CDK14: variants seen among roughly 807,000 people sequenced by gnomAD.
CDK14 encodes cyclin-dependent kinase 14.
In CDK14, 34 loss-of-function variants were observed where a neutral mutation model predicts 60.7. The observed-to-expected ratio is 0.56, with a 90% CI of 0.43 to 0.75. The LOEUF (loss-of-function observed/expected upper bound fraction) is 0.75. CDK14 is among the 30% of genes least tolerant of loss of function. The pLI, the probability that CDK14 is intolerant of heterozygous loss-of-function variation, is 0.00. For synonymous variants in CDK14, 197 were observed against 203.7 expected (o/e 0.97, Z 0.28); for missense variants, 482 against 564.1 (o/e 0.85, Z 1.47).
intron 9 of CDK14, among the ~76,000 whole-genome samples, chr7:90,956,969 A>T (rs1455658586): frequency 6.6e-6 from 1 of 151,392 alleles, no homozygotes. Context: ...GCTGCATAGT[A>T]TTCCATGGTG....
intron 12 of CDK14, among the ~76,000 whole-genome samples, chr7:91,087,914 A>T (rs1242820284): frequency 6.6e-6 from 1 of 152,304 alleles, no homozygotes; most frequent in East Asian, 1.9e-4. Context: ...TACATAATTA[A>T]TGCAATACTG....
Position 90,899,287 on chromosome 7 carries a change from C to G in CDK14, c.640-4C>G. 6.3e-7 allele frequency: 1 copy of G among 1,598,820 alleles called. No homozygotes were observed. The highest frequency in any genetic ancestry group is 8.5e-7 in the Non-Finnish European group (1 of 1,172,936). On this transcript the variant is annotated splice_region_variant and splice_polypyrimidine_tract_variant and intron_variant, in intron 6 of 14. Coordinates refer to ENST00000380050, the MANE Select transcript of CDK14 (RefSeq NM_001287135.2). ...ATTAATACATTTTTCCTTTTCTTTT[C>G]TAGCACACTGATTTATGTCAGTACA...
rs192262134 is a variant in CDK14, at chr7:91,120,507, G to A, written c.*28+2299G>A. Among the ~76,000 whole-genome samples, 297 of 149,960 alleles carry A rather than the reference G, an allele frequency of 2.0e-3. 5 individuals carry two copies. Among genetic ancestry groups the A allele is most frequent in the African/African-American group, 1.7e-3 (70 of 40,884 alleles). ...GCAATACAAATATTTTTTCTATGACGTTTGCCTTTTTCACATCAACTTGTA... is the reference window on the plus strand; with the variant it reads ...GCAATACAAATATTTTTTCTATGACATTTGCCTTTTTCACATCAACTTGTA... On this transcript the variant is annotated intron_variant, in intron 14 of 14. Coordinates refer to ENST00000380050, the MANE Select transcript of CDK14 (RefSeq NM_001287135.2).
At chr7:90,726,418 A>T in intron 2 of CDK14, 149 bp from the exon 3 acceptor site, 1 of 1,228,278 alleles carries the variant, frequency 8.1e-7, no homozygotes, top group Non-Finnish European at 1.1e-6. Context: ...TTTGTACTGT[A>T]ATTTATGCTG....
At chr7:91,064,778 AT>A (rs1263467938) in intron 11 of CDK14, among the ~76,000 whole-genome samples, 1 of 151,994 alleles carries the variant, frequency 6.6e-6, no homozygotes, top group East Asian at 1.9e-4. Context: ...TGGATGGGGG[AT>A]TTGGAAGGGG....
At chr7:90,726,257 A>G (rs569773270) in intron 2 of CDK14, 639 of 967,930 alleles carry the variant, frequency 6.6e-4, no homozygotes, top group South Asian at 1.1e-3. Context: ...AACCACTTCC[A>G]GTCAGATGGT....
intron 2 of CDK14, among the ~76,000 whole-genome samples, chr7:90,712,017 C>T (rs980999461): frequency 2.6e-5 from 4 of 150,986 alleles, no homozygotes; most frequent in African/African-American, 9.7e-5. Flanking sequence ...AGCCACTGCA[C>T]GCAGCTACAG....
intron 2 of CDK14, among the ~76,000 whole-genome samples, chr7:90,612,177 C>T (rs1799553611): frequency 6.6e-6 from 1 of 152,162 alleles, no homozygotes; most frequent in Non-Finnish European, 1.5e-5. Context: ...ATCATTGCAG[C>T]TGCTGCCATC....
At chr7:90,857,443 T>A (rs1790862204) in intron 5 of CDK14, among the ~76,000 whole-genome samples, 1 of 152,200 alleles carries the variant, frequency 6.6e-6, no homozygotes, top group African/African-American at 2.4e-5. Context: ...CCACAGCCCC[T>A]AAACTATTGT....
At chr7:90,962,137 G>A (rs1334101195) in intron 9 of CDK14, among the ~76,000 whole-genome samples, 5 of 152,096 alleles carry the variant, frequency 3.3e-5, no homozygotes, top group Admixed American at 6.6e-5. Context: ...CTAAAGTGCC[G>A]AATTTAGTGA....
chr7:91,027,760 CT>C lies in CDK14; in HGVS notation c.1042-18136del, dbSNP rs1562873937. 8.2e-3 allele frequency among the ~76,000 whole-genome samples: 526 copies of C among 64,012 alleles called. 40 individuals are homozygous for C. Among genetic ancestry groups the C allele is most frequent in the Admixed American group, 0.015 (70 of 4,524 alleles). The allele number at this position is 64,012 out of a possible 152,430, so 42.0% of individuals were successfully genotyped here. On this transcript the variant is annotated intron_variant, in intron 10 of 14. Coordinates refer to ENST00000380050, the MANE Select transcript of CDK14 (RefSeq NM_001287135.2). The stretch of plus-strand genomic sequence containing the variant: ...TGGGCTTTAGTGGTGAAATCTGGGC[CT>C]CTCCTCTCCCCTCCCCTCCCCTCCC...
intron 2 of CDK14, among the ~76,000 whole-genome samples, chr7:90,609,437 G>T (rs935757235): frequency 1.3e-5 from 2 of 152,250 alleles, no homozygotes; most frequent in Non-Finnish European, 2.9e-5. Context: ...GATTGTGGGG[G>T]TGGATCCTTC....
At chr7:90,619,600 A>G (rs971046009) in intron 2 of CDK14, among the ~76,000 whole-genome samples, 1 of 152,314 alleles carries the variant, frequency 6.6e-6, no homozygotes, top group African/African-American at 2.4e-5. Context: ...GGTACATTGT[A>G]TCGTAATTTC....
At chr7:90,736,360 T>C (rs1221840773) in intron 3 of CDK14, among the ~76,000 whole-genome samples, 5 of 147,128 alleles carry the variant, frequency 3.4e-5, no homozygotes, top group Admixed American at 1.3e-4. Flanking sequence ...GTTTTTTTTT[T>C]TTTTTTTTTT....
intron 10 of CDK14, among the ~76,000 whole-genome samples, chr7:91,040,454 G>A (rs1797057657): frequency 6.6e-6 from 1 of 152,202 alleles, no homozygotes; most frequent in African/African-American, 2.4e-5. Flanking sequence ...GTACAGCTGT[G>A]AAGCAATCAT....
chr7:90,681,565 C>T (rs1047862014), intron 2 of CDK14, among the ~76,000 whole-genome samples: 11 of 151,968 alleles, frequency 7.2e-5, no homozygotes, highest in East Asian at 5.8e-4. Flanking sequence ...ATGTTTATGC[C>T]CATTGTACTT....
intron 6 of CDK14, among the ~76,000 whole-genome samples, chr7:90,895,515 C>T (rs1792304255): frequency 6.8e-5 from 2 of 29,242 alleles, no homozygotes; most frequent in African/African-American, 1.4e-4. Context: ...CCTCCCTTCC[C>T]CTCCCTTCCC....
At chr7:91,072,476 A>G (rs545111886) in intron 11 of CDK14, among the ~76,000 whole-genome samples, 1 of 152,330 alleles carries the variant, frequency 6.6e-6, no homozygotes, top group African/African-American at 2.4e-5. Flanking sequence ...ATAGAAAGCA[A>G]CAACAGCATC....
intron 4 of CDK14, among the ~76,000 whole-genome samples, chr7:90,788,664 A>G (rs1275585035): frequency 3.3e-5 from 5 of 152,184 alleles, no homozygotes; most frequent in Non-Finnish European, 5.9e-5. Context: ...GGATGGTTCA[A>G]CTATGATGAA....
Sources: gnomAD v4.1 joint callset for allele counts (sites outside exome capture counted in the v4.1 genomes callset) on GRCh38, gnomAD v4.1.1 for gene constraint, MANE v1.5 for transcripts, NCBI Gene and HGNC (gene_info 2026-07-23, HGNC 2026-07-21) for gene names.